FRMD3: variants seen among roughly 807,000 people sequenced by gnomAD.
FRMD3 encodes FERM domain-containing protein 3.
In FRMD3, 33 loss-of-function variants were observed where a neutral mutation model predicts 70.2. The ratio of observed to expected loss-of-function variants is 0.47; its 90% CI spans 0.36 to 0.63. The LOEUF is 0.63. FRMD3 is among the 20% of genes least tolerant of loss of function. The probability of loss-of-function intolerance (pLI) is 0.00; values close to 1 mark genes in which losing one functional copy is unlikely to be tolerated. For missense variants in FRMD3, 632 were observed against 711.4 expected, an observed-to-expected ratio of 0.89 and a Z score of 1.27; for synonymous variants, 279 against 255.9, an observed-to-expected ratio of 1.09 and a Z score of -0.86.
chr9:83,495,966 A>G (rs1419392057), intron 1 of FRMD3, among the ~76,000 whole-genome samples: 1 of 152,228 alleles, frequency 6.6e-6, no homozygotes, highest in Non-Finnish European at 1.5e-5. Flanking sequence ...AAATTCTTGA[A>G]TCTGGGCAAG....
chr9:83,340,006 A>G (rs1212348618), intron 5 of FRMD3, among the ~76,000 whole-genome samples: 1 of 152,172 alleles, frequency 6.6e-6, no homozygotes, highest in Non-Finnish European at 1.5e-5. Context: ...ATGGTTAATC[A>G]GGGCAAGTTT....
At chr9:83,504,858 T>G (rs1264121996) in intron 1 of FRMD3, among the ~76,000 whole-genome samples, 1 of 152,190 alleles carries the variant, frequency 6.6e-6, no homozygotes, top group East Asian at 1.9e-4. Flanking sequence ...TATTTCAACA[T>G]CCTCTCACGG....
At chr9:83,464,839 C>A (rs945442736) in intron 1 of FRMD3, among the ~76,000 whole-genome samples, 9 of 151,840 alleles carry the variant, frequency 5.9e-5, no homozygotes. Context: ...GCGAACATAG[C>A]GAAACCCGAT....
rs181046442 is a variant in FRMD3, at chr9:83,328,399, G to T, written c.596+7117C>A. On this transcript the variant is annotated intron_variant, in intron 6 of 13. Transcript: ENST00000304195. Reference sequence around the variant, plus strand: ...GTTCCATTTTTTACAGCTATTATTTGGCTCAAACTACATACATCTGGGTCA... The same window carrying T: ...GTTCCATTTTTTACAGCTATTATTTTGCTCAAACTACATACATCTGGGTCA... Among the ~76,000 whole-genome samples, 443 of 152,208 alleles carry T rather than the reference G, an allele frequency of 2.9e-3. 2 individuals are homozygous for T. Among genetic ancestry groups the T allele is most frequent in the African/African-American group, 0.01 (430 of 41,522 alleles).
chr9:83,405,573 C>A (rs935574456), intron 1 of FRMD3, among the ~76,000 whole-genome samples: 8 of 151,220 alleles, frequency 5.3e-5, no homozygotes, highest in African/African-American at 2.0e-4. Flanking sequence ...ACCAGCCTGA[C>A]CAACATGAAG....
chr9:83,362,175 TTCTCTCTCTCTCTC>T (rs67469418), intron 3 of FRMD3, among the ~76,000 whole-genome samples: 8 of 146,920 alleles, frequency 5.4e-5, no homozygotes, highest in Non-Finnish European at 9.0e-5. Flanking sequence ...ATGCTGTTGG[TTCTCTCTCTCTCTC>T]TCTCTCTCTC....
intron 1 of FRMD3, among the ~76,000 whole-genome samples, chr9:83,457,702 T>A (rs1056272277): frequency 6.6e-6 from 1 of 152,190 alleles, no homozygotes; most frequent in Non-Finnish European, 1.5e-5. Flanking sequence ...GTATTTTTTA[T>A]CCGTGGTTGG....
chr9:83,278,863 A>G (rs1833877570), intron 13 of FRMD3, among the ~76,000 whole-genome samples: 1 of 152,166 alleles, frequency 6.6e-6, no homozygotes, highest in African/African-American at 2.4e-5. Flanking sequence ...ACAGAGCAAC[A>G]GAGAGAGCAA....
intron 13 of FRMD3, among the ~76,000 whole-genome samples, chr9:83,249,623 G>T (rs1832306373): frequency 6.6e-6 from 1 of 152,110 alleles, no homozygotes; most frequent in African/African-American, 2.4e-5. Flanking sequence ...TAGTCTGATA[G>T]CACTGAGAAG....
intron 2 of FRMD3, among the ~76,000 whole-genome samples, chr9:83,386,372 T>A (rs1825511016): frequency 6.6e-6 from 1 of 152,188 alleles, no homozygotes. Flanking sequence ...AGTGGCTACA[T>A]GAGATAAGAC....
the FRMD3 span, among the ~76,000 whole-genome samples, chr9:83,554,607 C>G: frequency 8.4e-4 from 128 of 152,270 alleles, no homozygotes; most frequent in Middle Eastern, 0.01. Context: ...CTTCTTGGGT[C>G]GATTGCAGCT....
the FRMD3 span, among the ~76,000 whole-genome samples, chr9:83,574,838 A>T: frequency 6.6e-6 from 1 of 152,116 alleles, no homozygotes; most frequent in African/African-American, 2.4e-5. Flanking sequence ...TGATTCTCCA[A>T]CTTCCCCATA....
chr9:83,496,430 T>A (rs1309509844), intron 1 of FRMD3, among the ~76,000 whole-genome samples: 1 of 152,188 alleles, frequency 6.6e-6, no homozygotes, highest in African/African-American at 2.4e-5. Context: ...CCAACTTGAT[T>A]ACCTTAAAAT....
chr9:83,567,905 C>T, the FRMD3 span, among the ~76,000 whole-genome samples: 1 of 152,204 alleles, frequency 6.6e-6, no homozygotes, highest in Non-Finnish European at 1.5e-5. Flanking sequence ...ACTGTTTCAG[C>T]CTCTGCCTGT....
At chr9:83,362,200 TCTC>T (rs1824611679) in intron 3 of FRMD3, among the ~76,000 whole-genome samples, 1 of 151,252 alleles carries the variant, frequency 6.6e-6, no homozygotes, top group Non-Finnish European at 1.5e-5. Flanking sequence ...TCTCTCTCTC[TCTC>T]TCTCTCAATC....
intron 2 of FRMD3, among the ~76,000 whole-genome samples, chr9:83,389,204 T>C (rs1825595993): frequency 6.6e-6 from 1 of 152,132 alleles, no homozygotes; most frequent in South Asian, 2.1e-4. Context: ...CATCTAGGCC[T>C]CCCAAAGTGC....
chr9:83,437,147 G>A (rs547826087), intron 1 of FRMD3, among the ~76,000 whole-genome samples: 2 of 152,300 alleles, frequency 1.3e-5, no homozygotes, highest in East Asian at 3.9e-4. Context: ...GCTTTAGGGA[G>A]GCAAACTCGG....
chr9:83,563,928 G>A, the FRMD3 span, among the ~76,000 whole-genome samples: 6 of 152,130 alleles, frequency 3.9e-5, no homozygotes, highest in Non-Finnish European at 7.3e-5. Flanking sequence ...ATTCAGACAT[G>A]TTCCCTTAAA....
the FRMD3 span, among the ~76,000 whole-genome samples, chr9:83,557,697 T>C: frequency 7.2e-5 from 11 of 152,206 alleles, no homozygotes; most frequent in Non-Finnish European, 1.2e-4. Flanking sequence ...ACCAAAGTGC[T>C]AAATCAAACT....
Sources: gnomAD v4.1 joint callset for allele counts (sites outside exome capture counted in the v4.1 genomes callset) on GRCh38, gnomAD v4.1.1 for gene constraint, MANE v1.5 for transcripts, NCBI Gene and HGNC (gene_info 2026-07-23, HGNC 2026-07-21) for gene names.